TRMT11: variants seen among roughly 807,000 people sequenced by gnomAD.
The protein encoded by TRMT11 is tRNA (guanine(10)-N(2))-methyltransferase TRMT11.
In TRMT11, 53 loss-of-function variants were observed where a neutral mutation model predicts 62.8. The observed-to-expected ratio is 0.84, with a 90% CI of 0.68 to 1.06. TRMT11 has a LOEUF of 1.06. Ranked by LOEUF, TRMT11 falls within the 50% of genes least tolerant of loss-of-function variation. TRMT11 has a pLI of 0.00. For missense variants in TRMT11, 556 were observed against 553.4 expected, an observed-to-expected ratio of 1.00 and a Z score of -0.05; for synonymous variants, 188 against 190.3, an observed-to-expected ratio of 0.99 and a Z score of 0.10.
At chr6:125,989,197 C>G (rs945881614) in intron 1 of TRMT11, among the ~76,000 whole-genome samples, 9 of 143,426 alleles carry the variant, frequency 6.3e-5, no homozygotes, top group Non-Finnish European at 1.2e-4. Context: ...GGCGCGGTCT[C>G]GGCTCACTGC....
chr6:126,123,998 A>T (rs539605173), intron 21 of TRMT11, among the ~76,000 whole-genome samples: 30 of 151,336 alleles, frequency 2.0e-4, no homozygotes, highest in South Asian at 6.2e-4. Context: ...TAGTTTAAAA[A>T]TTTTTTTTCT....
intron 21 of TRMT11, among the ~76,000 whole-genome samples, chr6:126,171,395 G>A (rs1178558697): frequency 1.3e-5 from 2 of 151,984 alleles, no homozygotes; most frequent in African/African-American, 2.4e-5. Flanking sequence ...ATATGTCAGT[G>A]GGATGGTTTT....
chr6:126,097,052 C>T (rs1015864974), intron 17 of TRMT11, among the ~76,000 whole-genome samples: 8 of 152,264 alleles, frequency 5.3e-5, no homozygotes, highest in African/African-American at 1.7e-4. Flanking sequence ...TTCTAGATTG[C>T]AGACTTTTCT....
chr6:126,224,151 T>G, the TRMT11 span, among the ~76,000 whole-genome samples: 1,623 of 152,340 alleles, frequency 0.011, 36 homozygotes, highest in African/African-American at 0.038. Flanking sequence ...GTCATTTCAG[T>G]CATTTCAGCC....
intron 21 of TRMT11, among the ~76,000 whole-genome samples, chr6:126,149,782 A>ATATTCAGCAGTGCCAAC (rs1233782322): frequency 8.5e-5 from 13 of 152,214 alleles, no homozygotes; most frequent in African/African-American, 3.1e-4. Context: ...GCAGTGCCAA[A>ATATTCAGCAGTGCCAAC]TATTCTGCAG....
At chr6:126,271,485 T>TTATATATA in the TRMT11 span, among the ~76,000 whole-genome samples, 1 of 147,004 alleles carries the variant, frequency 6.8e-6, no homozygotes, top group African/African-American at 2.5e-5. Flanking sequence ...CCCAAATGGT[T>TTATATATA]TATATATATA....
intron 21 of TRMT11, among the ~76,000 whole-genome samples, chr6:126,123,647 A>C (rs1009162050): frequency 6.6e-6 from 1 of 152,048 alleles, no homozygotes; most frequent in Non-Finnish European, 1.5e-5. Flanking sequence ...ATAAAAGAGG[A>C]ATAAAGAGGC....
At chr6:126,050,210 A>C (rs566672576) in intron 16 of TRMT11, among the ~76,000 whole-genome samples, 5 of 151,850 alleles carry the variant, frequency 3.3e-5, no homozygotes, top group Non-Finnish European at 7.4e-5. Flanking sequence ...CACACCTGTA[A>C]TCCCAGCTGC....
At chr6:126,002,756 G>C (rs1245247199) in intron 7 of TRMT11, among the ~76,000 whole-genome samples, 1 of 151,972 alleles carries the variant, frequency 6.6e-6, no homozygotes, top group African/African-American at 2.4e-5. Flanking sequence ...CCTTTATAAC[G>C]CTTCCAGCCT....
chr6:126,147,630 A>G (rs1777988411), intron 21 of TRMT11, among the ~76,000 whole-genome samples: 1 of 152,112 alleles, frequency 6.6e-6, no homozygotes, highest in Non-Finnish European at 1.5e-5. Context: ...TCCCTGCGGT[A>G]CCTTACCTCA....
In TRMT11 at chr6:126,142,019, A is replaced by G. The variant is rs117873663; in HGVS notation, c.*1823+26164A>G. On this transcript the variant is annotated intron_variant and NMD_transcript_variant, in intron 21 of 22. Coordinates refer to the TRMT11 transcript ENST00000648977. The stretch of plus-strand genomic sequence containing the variant: ...AATCGAAGACACAGATTAAGTGGCT[A>G]GAGGTTTGTGTCCTTTTTATACTTC... 2.3e-3 allele frequency among the ~76,000 whole-genome samples: 356 copies of G among 152,206 alleles called. 1 individual carries two copies. Among genetic ancestry groups the G allele is most frequent in the Non-Finnish European group, 4.3e-3 (289 of 67,930 alleles).
At chr6:126,240,036 C>T in the TRMT11 span, among the ~76,000 whole-genome samples, 1 of 152,172 alleles carries the variant, frequency 6.6e-6, no homozygotes, top group Non-Finnish European at 1.5e-5. Context: ...ACGTAGTTCT[C>T]ATGCCATGGT....
At chr6:126,096,747 G>A (rs557499607) in intron 17 of TRMT11, among the ~76,000 whole-genome samples, 4 of 152,180 alleles carry the variant, frequency 2.6e-5, no homozygotes, top group Admixed American at 2.6e-4. Flanking sequence ...ACTGAGGGAT[G>A]ATTTCACAGT....
At chr6:126,174,923 C>G (rs967021935), upstream of TRMT11, among the ~76,000 whole-genome samples, 7 of 152,176 alleles carry the variant, frequency 4.6e-5, no homozygotes, top group Non-Finnish European at 1.0e-4. Context: ...TGAGTCCCAA[C>G]CACATCCATT....
chr6:126,042,476 TTAAGA>T (rs777223762), downstream of TRMT11, among the ~76,000 whole-genome samples: 5 of 152,198 alleles, frequency 3.3e-5, no homozygotes, highest in African/African-American at 4.8e-5. Context: ...TAGATGAATG[TTAAGA>T]TAAGTCAGCT....
At chr6:126,065,528 C>G (rs1389878091) in intron 17 of TRMT11, among the ~76,000 whole-genome samples, 1 of 152,156 alleles carries the variant, frequency 6.6e-6, no homozygotes, top group East Asian at 1.9e-4. Flanking sequence ...GTTAAGCAAC[C>G]TTGGTTCATT....
intron 17 of TRMT11, among the ~76,000 whole-genome samples, chr6:126,053,197 A>T (rs1195416034): frequency 1.3e-5 from 2 of 152,144 alleles, no homozygotes; most frequent in African/African-American, 4.8e-5. Flanking sequence ...AGAGGTAAGT[A>T]GTCAGTTAAA....
intron 17 of TRMT11, among the ~76,000 whole-genome samples, chr6:126,102,302 G>T (rs1171787663): frequency 1.3e-5 from 2 of 152,106 alleles, no homozygotes; most frequent in African/African-American, 4.8e-5. Context: ...AGAAAAATTC[G>T]CCTGAAGCTG....
At chr6:126,269,259 G>A in the TRMT11 span, among the ~76,000 whole-genome samples, 2,016 of 97,480 alleles carry the variant, frequency 0.021, 25 homozygotes, top group Admixed American at 0.038. Flanking sequence ...GCGAGACTCC[G>A]TCTCAAAAAA....
Sources: allele counts gnomAD v4.1 joint callset (sites outside exome capture counted in the v4.1 genomes callset), GRCh38; gene constraint gnomAD v4.1.1; transcripts MANE v1.5; gene names NCBI Gene and HGNC (gene_info 2026-07-23, HGNC 2026-07-21).